MIPOL1: variants seen among roughly 807,000 people sequenced by gnomAD.
MIPOL1 encodes mirror-image polydactyly 1.
Under a neutral mutation model 60.9 loss-of-function variants are expected in MIPOL1, and 57 were observed. The observed-to-expected ratio is 0.94, with a 90% CI of 0.76 to 1.17. The LOEUF (loss-of-function observed/expected upper bound fraction) is 1.17. Ranked by LOEUF, MIPOL1 falls within the 50% of genes most tolerant of loss-of-function variation. MIPOL1 has a pLI of 0.00. For synonymous variants in MIPOL1, 179 were observed against 168.8 expected (o/e 1.06, Z -0.47); for missense variants, 551 against 511.6 (o/e 1.08, Z -0.74).
chr14:37,363,592 A>G (rs1242605889), intron 9 of MIPOL1, among the ~76,000 whole-genome samples: 4 of 152,160 alleles, frequency 2.6e-5, no homozygotes, highest in African/African-American at 9.7e-5. Flanking sequence ...ATTGTCAGGG[A>G]CCTACTTGAG....
At chr14:37,489,162 A>C (rs1419048422) in intron 11 of MIPOL1, among the ~76,000 whole-genome samples, 3 of 151,990 alleles carry the variant, frequency 2.0e-5, no homozygotes, top group Non-Finnish European at 4.4e-5. Context: ...GTTCCTTTTC[A>C]TTCTTTTTTC....
chr14:37,410,111 CAT>C (rs1208197550), intron 10 of MIPOL1, among the ~76,000 whole-genome samples: 4 of 152,120 alleles, frequency 2.6e-5, no homozygotes, highest in African/African-American at 9.7e-5. Context: ...AGCATTCTAA[CAT>C]AAAATTATAA....
At chr14:37,235,600 A>C (rs1394921851) in intron 1 of MIPOL1, among the ~76,000 whole-genome samples, 2 of 152,158 alleles carry the variant, frequency 1.3e-5, no homozygotes, top group African/African-American at 4.8e-5. Context: ...TAAAATGTAC[A>C]TAACATAAAT....
intron 3 of MIPOL1, among the ~76,000 whole-genome samples, chr14:37,260,321 T>C (rs2153376706): frequency 6.6e-6 from 1 of 151,900 alleles, no homozygotes; most frequent in Non-Finnish European, 1.5e-5. Context: ...AAAGACCTAA[T>C]ATATCCACTG....
chr14:37,466,227 G>A (rs1433106777), intron 11 of MIPOL1, among the ~76,000 whole-genome samples: 1 of 152,094 alleles, frequency 6.6e-6, no homozygotes, highest in Admixed American at 6.6e-5. Flanking sequence ...TTTTAAGTTG[G>A]CATTTTACCA....
At chr14:37,240,486 G>A (rs1253147178) in intron 1 of MIPOL1, 2 of 152,164 alleles carry the variant, frequency 1.3e-5, no homozygotes, top group African/African-American at 4.8e-5. Flanking sequence ...ACCTTTGTAT[G>A]AAGGAGTGTA....
At chr14:37,304,416 C>A (rs978725166) in intron 7 of MIPOL1, among the ~76,000 whole-genome samples, 1 of 151,746 alleles carries the variant, frequency 6.6e-6, no homozygotes, top group African/African-American at 2.4e-5. Flanking sequence ...CTCTTATATA[C>A]GTTTGCATTT....
intron 9 of MIPOL1, among the ~76,000 whole-genome samples, chr14:37,315,507 T>TAGATCA (rs2087779854): frequency 1.3e-5 from 2 of 152,152 alleles, no homozygotes. Context: ...GGAACAAGTG[T>TAGATCA]AGATCAAGAA....
chr14:37,394,084 A>ATC lies in MIPOL1; in HGVS notation c.936+24463_936+24464dup, dbSNP rs1555329418. On this transcript the variant is annotated intron_variant, in intron 10 of 12. Coordinates refer to ENST00000684589, the MANE Select transcript of MIPOL1 (RefSeq NM_001388067.1). ...TATATATATATATATATATATATAT[A>ATC]TCTCCATGTTCTATCATATATATAT... 3.0e-5 allele frequency among the ~76,000 whole-genome samples: 4 copies of ATC among 134,674 alleles called. 1 individual carries two copies. The highest frequency in any genetic ancestry group is 7.5e-5 in the Admixed American group (1 of 13,370). The allele number at this position is 134,674 out of a possible 152,430, so 88.4% of individuals were successfully genotyped here.
chr14:37,438,486 A>G (rs2094196201), intron 11 of MIPOL1, among the ~76,000 whole-genome samples: 1 of 152,186 alleles, frequency 6.6e-6, no homozygotes, highest in South Asian at 2.1e-4. Flanking sequence ...ACAGTGGCAT[A>G]AATATTATCT....
chr14:37,433,923 C>T (rs531458747), intron 11 of MIPOL1, among the ~76,000 whole-genome samples: 15 of 152,210 alleles, frequency 9.9e-5, no homozygotes, highest in Admixed American at 3.9e-4. Context: ...TTCTTTATCC[C>T]GTCTATCATT....
chr14:37,256,806 A>T (rs1462353260), intron 3 of MIPOL1, among the ~76,000 whole-genome samples: 1 of 151,940 alleles, frequency 6.6e-6, no homozygotes, highest in African/African-American at 2.4e-5. Context: ...ATGATGTTCT[A>T]TATTGACCCT....
chr14:37,414,656 T>C (rs2093733745), intron 10 of MIPOL1, among the ~76,000 whole-genome samples: 1 of 152,212 alleles, frequency 6.6e-6, no homozygotes, highest in South Asian at 2.1e-4. Context: ...TTTGCTGATA[T>C]AGAAGCACAA....
chr14:37,311,614 G>A (rs1009849255), intron 9 of MIPOL1, among the ~76,000 whole-genome samples: 1 of 152,024 alleles, frequency 6.6e-6, no homozygotes, highest in Non-Finnish European at 1.5e-5. Flanking sequence ...TTTCTGAATG[G>A]AATCTTTTTT....
intron 7 of MIPOL1, among the ~76,000 whole-genome samples, chr14:37,286,190 G>A (rs563303565): frequency 1.8e-4 from 27 of 152,104 alleles, no homozygotes; most frequent in Non-Finnish European, 2.6e-4. Flanking sequence ...TTTTTTAAAT[G>A]TGAGTGATAC....
chr14:37,516,598 G>A lies in MIPOL1; in HGVS notation c.1262+16460G>A, dbSNP rs150806874. On this transcript the variant is annotated intron_variant, in intron 12 of 12. Coordinates refer to ENST00000684589, the MANE Select transcript of MIPOL1 (RefSeq NM_001388067.1). Reference sequence around the variant, plus strand: ...ACCTTTTCACAGAATGCAAGGAGACGTTGTTTAGTACAAAGGAAGACTTTG... The same window carrying A: ...ACCTTTTCACAGAATGCAAGGAGACATTGTTTAGTACAAAGGAAGACTTTG... Among the ~76,000 whole-genome samples, 98 of 152,264 alleles carry A rather than the reference G, an allele frequency of 6.4e-4. No homozygotes were observed. The Middle Eastern group carries it at 0.014, about 21-fold the overall frequency.
chr14:37,415,498 G>A (rs567753566), intron 10 of MIPOL1, among the ~76,000 whole-genome samples: 5 of 151,894 alleles, frequency 3.3e-5, no homozygotes, highest in South Asian at 2.1e-4. Context: ...GCGTGGTGGC[G>A]GGCGCCTGTA....
chr14:37,494,865 C>T (rs951672560), intron 11 of MIPOL1, among the ~76,000 whole-genome samples: 1 of 152,128 alleles, frequency 6.6e-6, no homozygotes, highest in African/African-American at 2.4e-5. Flanking sequence ...CTTGGGAAAG[C>T]CTTGATGGTA....
At chr14:37,539,134 G>A (rs1477368397) in intron 12 of MIPOL1, among the ~76,000 whole-genome samples, 13 of 151,912 alleles carry the variant, frequency 8.6e-5, no homozygotes, top group South Asian at 2.1e-4. Context: ...CCCAGGAGGC[G>A]GAGCTTGCAG....
Sources: allele counts gnomAD v4.1 joint callset (sites outside exome capture counted in the v4.1 genomes callset), GRCh38; gene constraint gnomAD v4.1.1; transcripts MANE v1.5; gene names NCBI Gene and HGNC (gene_info 2026-07-23, HGNC 2026-07-21).